The following PDSS2 variants were observed in gnomAD, a reference collection of about 807,000 sequenced individuals.
PDSS2 encodes decaprenyl diphosphate synthase subunit 2, also known as all trans-polyprenyl-diphosphate synthase PDSS2.
Under a neutral mutation model 44.5 loss-of-function variants are expected in PDSS2, and 31 were observed. The ratio of observed to expected loss-of-function variants is 0.70; its 90% confidence interval spans 0.52 to 0.94. The LOEUF is 0.94. PDSS2 is among the 40% of genes least tolerant of loss of function. The probability of loss-of-function intolerance (pLI) is 0.00; values close to 1 mark genes in which losing one functional copy is unlikely to be tolerated. For missense variants in PDSS2, 452 were observed against 482.2 expected, an observed-to-expected ratio of 0.94 and a Z score of 0.59; for synonymous variants, 157 against 180.3, an observed-to-expected ratio of 0.87 and a Z score of 1.03.
rs1041014202 is a variant in PDSS2 at position 107,228,611 on chromosome 6, C to T, written c.703-16329G>A. 3.9e-5 allele frequency among the ~76,000 whole-genome samples: 6 copies of T among 152,122 alleles called. No individual in the cohort carries two copies. The East Asian group carries it at 7.7e-4, about 20-fold the overall frequency. On this transcript the variant is annotated intron_variant, in intron 4 of 7. Transcript: ENST00000369037. ...TTGGGAGGCTGAGGCAAGAGAATCT[C>T]TTGAACCCAGGAGGCAGAGGCTGCA...
At chr6:107,397,582 T>G (rs1779988831) in intron 1 of PDSS2, among the ~76,000 whole-genome samples, 1 of 152,224 alleles carries the variant, frequency 6.6e-6, no homozygotes, top group Non-Finnish European at 1.5e-5. Context: ...TTCTTTTGAG[T>G]TGCAAGCTGA....
At chr6:107,290,544 C>T (rs1243838940) in intron 2 of PDSS2, among the ~76,000 whole-genome samples, 1 of 152,160 alleles carries the variant, frequency 6.6e-6, no homozygotes, top group Non-Finnish European at 1.5e-5. Flanking sequence ...GCCTCTCTGA[C>T]TTCATTCCCT....
intron 1 of PDSS2, among the ~76,000 whole-genome samples, chr6:107,416,049 A>T (rs1365312120): frequency 6.6e-6 from 1 of 152,198 alleles, no homozygotes; most frequent in Non-Finnish European, 1.5e-5. Flanking sequence ...TTCTTTATAG[A>T]ATTAGAATTG....
chr6:107,316,840 C>A (rs139113893), intron 2 of PDSS2, among the ~76,000 whole-genome samples: 108 of 152,260 alleles, frequency 7.1e-4, no homozygotes, highest in African/African-American at 2.5e-3. Flanking sequence ...ACATATTGTG[C>A]ACATAAAACT....
chr6:107,234,917 C>T (rs906782158), intron 4 of PDSS2, among the ~76,000 whole-genome samples: 3 of 152,136 alleles, frequency 2.0e-5, no homozygotes, highest in African/African-American at 7.2e-5. Flanking sequence ...TGAAAATCAG[C>T]ACTTCCAGCC....
At chr6:107,393,464 A>G (rs1779847645) in intron 1 of PDSS2, among the ~76,000 whole-genome samples, 2 of 152,122 alleles carry the variant, frequency 1.3e-5, no homozygotes, top group South Asian at 4.1e-4. Context: ...TAAAAAAAAG[A>G]ATGTTTACTC....
intron 1 of PDSS2, among the ~76,000 whole-genome samples, chr6:107,440,955 T>C (rs1781495221): frequency 6.6e-6 from 1 of 152,256 alleles, no homozygotes; most frequent in African/African-American, 2.4e-5. Flanking sequence ...ATAATCTAAA[T>C]TCTTTATTTG....
rs1206360865 is a variant in PDSS2, at chr6:107,154,383, G to A, written c.*236C>T. The A allele has an allele frequency of 2.3e-5, 11 of 481,902 alleles. No homozygotes were observed. The highest frequency in any genetic ancestry group is 7.8e-5 in the African/African-American group (4 of 51,024). The allele number at this position is 481,902 out of a possible 1,614,324, so 29.9% of individuals were successfully genotyped here. A position where few individuals can be genotyped will look rare whatever the true frequency, so the allele number is the denominator to read the frequency against. On this transcript the variant is annotated 3_prime_UTR_variant, in exon 8 of 8. Coordinates refer to ENST00000369037, the MANE Select transcript of PDSS2 (RefSeq NM_020381.4). ...AGCGAATCTCATTAATTATTTCTGC[G>A]ACTGCAGCCTCAAGTGTGCTTCTGG...
At chr6:107,175,458 A>T (rs1771755188) in intron 7 of PDSS2, among the ~76,000 whole-genome samples, 1 of 152,170 alleles carries the variant, frequency 6.6e-6, no homozygotes, top group East Asian at 1.9e-4. Context: ...ACAAACCAGA[A>T]AGCATTACAA....
chr6:107,451,343 T>C (rs1488563071), intron 1 of PDSS2, among the ~76,000 whole-genome samples: 1 of 152,098 alleles, frequency 6.6e-6, no homozygotes, highest in Non-Finnish European at 1.5e-5. Flanking sequence ...TCTGTCATAA[T>C]GTAAAAGAGT....
chr6:107,437,773 C>A (rs1781400337), intron 1 of PDSS2, among the ~76,000 whole-genome samples: 1 of 151,984 alleles, frequency 6.6e-6, no homozygotes, highest in Non-Finnish European at 1.5e-5. Flanking sequence ...CAGTTCTAAC[C>A]CATTTTGTTC....
intron 6 of PDSS2, among the ~76,000 whole-genome samples, chr6:107,202,482 G>A (rs1210648956): frequency 6.6e-6 from 1 of 152,168 alleles, no homozygotes; most frequent in East Asian, 1.9e-4. Context: ...TACTACATCT[G>A]CTAGCCCGGA....
intron 2 of PDSS2, among the ~76,000 whole-genome samples, chr6:107,275,816 C>G (rs1013995025): frequency 6.6e-6 from 1 of 151,982 alleles, no homozygotes; most frequent in African/African-American, 2.4e-5. Context: ...CTGTATCTTA[C>G]TGAAAAGGGA....
chr6:107,342,420 C>T (rs556657772), intron 1 of PDSS2, among the ~76,000 whole-genome samples: 4 of 152,246 alleles, frequency 2.6e-5, no homozygotes, highest in South Asian at 4.1e-4. Flanking sequence ...CAGGCACACA[C>T]AAGAAAAGCC....
intron 4 of PDSS2, among the ~76,000 whole-genome samples, chr6:107,226,577 G>A (rs2114709996): frequency 6.6e-6 from 1 of 152,258 alleles, no homozygotes; most frequent in South Asian, 2.1e-4. Context: ...TATGCAGACA[G>A]TGAGGGTGAG....
chr6:107,367,535 G>C (rs1184072567), intron 1 of PDSS2, among the ~76,000 whole-genome samples: 1 of 152,202 alleles, frequency 6.6e-6, no homozygotes, highest in Non-Finnish European at 1.5e-5. Context: ...TGTAATCTCA[G>C]CACTTTGGGA....
intron 4 of PDSS2, among the ~76,000 whole-genome samples, chr6:107,214,160 G>A (rs1294112964): frequency 4.0e-5 from 6 of 150,498 alleles, no homozygotes; most frequent in African/African-American, 1.5e-4. Flanking sequence ...CTGGAGTGCA[G>A]TGGCGCGATC....
At chr6:107,284,359 A>C (rs1722185856) in intron 2 of PDSS2, among the ~76,000 whole-genome samples, 1 of 152,012 alleles carries the variant, frequency 6.6e-6, no homozygotes, top group Non-Finnish European at 1.5e-5. Flanking sequence ...CCCAACATCC[A>C]GCTTTAAAAT....
At chr6:107,411,673 T>C (rs1780498234) in intron 1 of PDSS2, among the ~76,000 whole-genome samples, 2 of 152,184 alleles carry the variant, frequency 1.3e-5, no homozygotes, top group African/African-American at 4.8e-5. Context: ...TTTACAACGA[T>C]TTAAATAGCA....
Sources: gnomAD v4.1 joint callset for allele counts (sites outside exome capture counted in the v4.1 genomes callset) on GRCh38, gnomAD v4.1.1 for gene constraint, MANE v1.5 for transcripts, NCBI Gene and HGNC (gene_info 2026-07-23, HGNC 2026-07-21) for gene names.